The following PLXDC2 variants were observed in gnomAD, a reference collection of about 807,000 sequenced individuals.
PLXDC2 encodes plexin domain-containing protein 2.
In PLXDC2, 40 loss-of-function variants were observed where a neutral mutation model predicts 68.9. The observed-to-expected ratio is 0.58, with a 90% confidence interval of 0.45 to 0.76. The LOEUF is 0.76. Ranked by LOEUF, PLXDC2 falls within the 30% of genes least tolerant of loss-of-function variation. PLXDC2 has a pLI of 0.00. For synonymous variants in PLXDC2, 243 were observed against 234.2 expected, an observed-to-expected ratio of 1.04 and a Z score of -0.34; for missense variants, 644 against 661.9, an observed-to-expected ratio of 0.97 and a Z score of 0.30.
At chr10:20,211,406 T>G (rs1835067781) in intron 9 of PLXDC2, among the ~76,000 whole-genome samples, 1 of 152,140 alleles carries the variant, frequency 6.6e-6, no homozygotes, top group South Asian at 2.1e-4. Context: ...GATCTAGGTA[T>G]TCCGTACAGT....
intron 9 of PLXDC2, among the ~76,000 whole-genome samples, chr10:20,187,258 A>C (rs1254080250): frequency 6.6e-6 from 1 of 151,836 alleles, no homozygotes; most frequent in African/African-American, 2.4e-5. Context: ...TGGCCTCTAG[A>C]TATATCAGAT....
At position 20,072,424 on chromosome 10, in the gene PLXDC2, G is replaced by GAGAAAGAAAGAAAGAAAGAAAGAA. The variant is rs60778723; in HGVS notation, c.541+4197_541+4198insAGAAAGAAAGAAAGAAAGAAAGAA. Among the ~76,000 whole-genome samples the GAGAAAGAAAGAAAGAAAGAAAGAA allele has an allele frequency of 2.4e-3, 309 of 130,334 alleles. 5 individuals carry two copies. Among genetic ancestry groups the GAGAAAGAAAGAAAGAAAGAAAGAA allele is most frequent in the South Asian group, 7.0e-3 (27 of 3,864 alleles). 85.5% of individuals were successfully genotyped at this position (130,334 alleles called of 152,430 possible). ...AGAAGAAAGAAAGAGGAAAGAAAGAGAGAAAGAAAGAAGAAAGAAGGAAAG... is the reference window on the plus strand; with the variant it reads ...AGAAGAAAGAAAGAGGAAAGAAAGAGAGAAAGAAAGAAAGAAAGAAAGAAAGAAAGAAAGAAGAAAGAAGGAAAG... On this transcript the variant is annotated intron_variant, in intron 4 of 13. Transcript: ENST00000377252.
intron 1 of PLXDC2, among the ~76,000 whole-genome samples, chr10:19,948,762 T>C (rs1344553427): frequency 6.6e-6 from 1 of 152,086 alleles, no homozygotes; most frequent in Non-Finnish European, 1.5e-5. Flanking sequence ...TTAAAAATTG[T>C]AGTTACTTTA....
Position 20,283,414 on chromosome 10 carries a change from G to A in PLXDC2, c.*3595G>A, listed in dbSNP as rs1388541334. ...TGTTAATGTAACCCATATAAAGTAC[G>A]ACTTTTGGTCGAGTACCAGCACAAA... On this transcript the variant is annotated 3_prime_UTR_variant, in exon 14 of 14. Transcript: ENST00000377252. 6.6e-6 allele frequency: 1 copy of A among 152,180 alleles called. No homozygotes were observed. The highest frequency in any genetic ancestry group is 1.5e-5 in the Non-Finnish European group (1 of 68,040). 9.4% of individuals were successfully genotyped at this position (152,180 alleles called of 1,614,324 possible). A position where few individuals can be genotyped will look rare whatever the true frequency, so the allele number is the denominator to read the frequency against.
intron 3 of PLXDC2, among the ~76,000 whole-genome samples, chr10:20,049,791 G>A (rs1267851977): frequency 6.6e-6 from 1 of 152,090 alleles, no homozygotes; most frequent in African/African-American, 2.4e-5. Flanking sequence ...ACTGCCCAAA[G>A]CAATTTACAG....
At chr10:20,111,837 T>C (rs2131748698) in intron 4 of PLXDC2, among the ~76,000 whole-genome samples, 1 of 152,334 alleles carries the variant, frequency 6.6e-6, no homozygotes, top group East Asian at 1.9e-4. Context: ...ACACTGGCAA[T>C]ATTTTGATTA....
At chr10:19,933,615 A>G (rs898225199) in intron 1 of PLXDC2, among the ~76,000 whole-genome samples, 2 of 152,138 alleles carry the variant, frequency 1.3e-5, no homozygotes, top group Non-Finnish European at 2.9e-5. Context: ...TCTGGGTGAC[A>G]GAGTGAGACT....
intron 4 of PLXDC2, among the ~76,000 whole-genome samples, chr10:20,118,576 A>G (rs962081597): frequency 2.0e-5 from 3 of 152,196 alleles, no homozygotes; most frequent in Non-Finnish European, 2.9e-5. Flanking sequence ...TTCTAAATCC[A>G]TAGTGTAGCT....
At chr10:20,215,694 G>A (rs1835126635) in intron 10 of PLXDC2, among the ~76,000 whole-genome samples, 1 of 152,068 alleles carries the variant, frequency 6.6e-6, no homozygotes, top group African/African-American at 2.4e-5. Flanking sequence ...AGGTTGAAAG[G>A]ATGGCTATAA....
chr10:19,849,919 AG>A (rs1837083014), intron 1 of PLXDC2, among the ~76,000 whole-genome samples: 1 of 152,174 alleles, frequency 6.6e-6, no homozygotes, highest in Non-Finnish European at 1.5e-5. Flanking sequence ...TCCTAAAGGG[AG>A]GTCTGCTTCA....
chr10:19,965,555 C>T (rs1309108036), intron 1 of PLXDC2, among the ~76,000 whole-genome samples: 3 of 152,156 alleles, frequency 2.0e-5, no homozygotes, highest in Admixed American at 2.0e-4. Context: ...CTGTGTGTCA[C>T]ATTGCCAATA....
intron 9 of PLXDC2, among the ~76,000 whole-genome samples, chr10:20,198,617 AGCTGACTTT>A (rs1389558309): frequency 6.6e-6 from 1 of 152,166 alleles, no homozygotes; most frequent in Non-Finnish European, 1.5e-5. Context: ...TTTGGGTTAT[AGCTGACTTT>A]GTATTAATGA....
intron 3 of PLXDC2, among the ~76,000 whole-genome samples, chr10:20,062,266 A>G (rs1420794761): frequency 2.0e-5 from 3 of 152,140 alleles, no homozygotes; most frequent in African/African-American, 7.2e-5. Flanking sequence ...TCTACTAAAA[A>G]CACAAAAATC....
intron 4 of PLXDC2, among the ~76,000 whole-genome samples, chr10:20,110,353 C>G (rs940618125): frequency 2.6e-5 from 4 of 152,128 alleles, no homozygotes; most frequent in Non-Finnish European, 2.9e-5. Context: ...ACAGACAGTA[C>G]CACTTAACAC....
At chr10:20,042,905 A>G (rs1208654267) in intron 2 of PLXDC2, among the ~76,000 whole-genome samples, 1 of 152,150 alleles carries the variant, frequency 6.6e-6, no homozygotes. Context: ...GGTGCCACCT[A>G]CTTTCTCTAA....
intron 1 of PLXDC2, among the ~76,000 whole-genome samples, chr10:19,873,406 C>CTTT (rs1049862345): frequency 2.4e-3 from 277 of 115,588 alleles, no homozygotes; most frequent in East Asian, 3.2e-3. Context: ...TCTTCTTCGT[C>CTTT]TTTTTTTTTT....
intron 2 of PLXDC2, among the ~76,000 whole-genome samples, chr10:20,042,888 C>T (rs944797080): frequency 6.6e-6 from 1 of 152,080 alleles, no homozygotes; most frequent in East Asian, 1.9e-4. Flanking sequence ...GATTTAATAC[C>T]ACACATGGTG....
chr10:20,215,790 A>G (rs1479275534), intron 10 of PLXDC2, among the ~76,000 whole-genome samples: 1 of 152,202 alleles, frequency 6.6e-6, no homozygotes, highest in East Asian at 1.9e-4. Flanking sequence ...AGAAATTTAA[A>G]GAAATCTTGC....
chr10:20,238,145 A>T (rs1233616240), intron 12 of PLXDC2, among the ~76,000 whole-genome samples: 1 of 150,398 alleles, frequency 6.6e-6, no homozygotes, highest in Non-Finnish European at 1.5e-5. Flanking sequence ...TGACAAAATA[A>T]ATAAATATAT....
Sources: gnomAD v4.1 joint callset for allele counts (sites outside exome capture counted in the v4.1 genomes callset) on GRCh38, gnomAD v4.1.1 for gene constraint, MANE v1.5 for transcripts, NCBI Gene and HGNC (gene_info 2026-07-23, HGNC 2026-07-21) for gene names.